VCAN: variants seen among roughly 807,000 people sequenced by gnomAD.
VCAN encodes the protein versican core protein.
A neutral mutation model predicts 245.5 loss-of-function variants in VCAN; 44 were observed. That is an observed-to-expected ratio of 0.18 (90% CI 0.14 to 0.23). The LOEUF (loss-of-function observed/expected upper bound fraction) is 0.23, where lower values mean the gene tolerates loss of function less well. VCAN is among the 10% of genes least tolerant of loss of function. VCAN has a pLI of 1.00. For synonymous variants in VCAN, 1,413 were observed against 1,437.0 expected (o/e 0.98, Z 0.38); for missense variants, 3,793 against 4,057.9 (o/e 0.93, Z 1.77).
intron 1 of VCAN, among the ~76,000 whole-genome samples, chr5:83,472,650 G>A (rs1744237603): frequency 6.6e-6 from 1 of 152,108 alleles, no homozygotes; most frequent in Admixed American, 6.5e-5. Flanking sequence ...AGGTCCGGCC[G>A]GGGGAGGTGC....
chr5:83,494,081 A>G, intron 5 of VCAN, 150 bp downstream of exon 5: 1 of 1,359,254 alleles, frequency 7.4e-7, no homozygotes, highest in South Asian at 1.2e-5. Context: ...GTGGTAAAAT[A>G]AGCCGAAATT....
chr5:83,498,661 G>A (rs943226032), intron 5 of VCAN, among the ~76,000 whole-genome samples: 3 of 152,138 alleles, frequency 2.0e-5, no homozygotes, highest in African/African-American at 7.2e-5. Flanking sequence ...GAACAAATAC[G>A]TGAACAATGA....
Position 83,541,310 on chromosome 5 carries a change from T to C in VCAN, c.8307T>C (p.Ala2769=). ...TTCAGCCAGAATTCTCTTCAGGAGC[T>C]GAGGAGGCATTAGTAGACCATACTC... The part of the protein sequence containing the change: ...PSFQPEFSSG[A]EEALVDHTPY... Residue 2769 remains alanine (A), a synonymous_variant, in exon 8 of 15, where the codon GCT becomes GCC. Coordinates refer to ENST00000265077, the MANE Select transcript of VCAN (RefSeq NM_004385.5). 3 of 1,614,086 alleles carry C rather than the reference T, an allele frequency of 1.9e-6. No individual in the cohort carries two copies. Among genetic ancestry groups the C allele is most frequent in the Non-Finnish European group, 2.5e-6 (3 of 1,179,998 alleles).
Position 83,509,800 on chromosome 5 carries a change from A to G in VCAN, c.749-2303A>G, listed in dbSNP as rs191903461. Reference sequence around the variant, plus strand: ...GAAGGAGGCTGTTCAGGATGACGTAATTTCTCTGTCTGCCTTTCTCCATGT... The same window carrying G: ...GAAGGAGGCTGTTCAGGATGACGTAGTTTCTCTGTCTGCCTTTCTCCATGT... On this transcript the variant is annotated intron_variant, in intron 5 of 14. Coordinates refer to ENST00000265077, the MANE Select transcript of VCAN (RefSeq NM_004385.5). Among the ~76,000 whole-genome samples, 24 of 152,250 alleles carry G rather than the reference A, an allele frequency of 1.6e-4. No individual in the cohort carries two copies. The East Asian group carries it at 4.6e-3, about 29-fold the overall frequency.
intron 12 of VCAN, among the ~76,000 whole-genome samples, chr5:83,569,978 A>G (rs190995099): frequency 2.0e-5 from 3 of 152,248 alleles, no homozygotes; most frequent in Middle Eastern, 3.4e-3. Flanking sequence ...GAGTATCAAA[A>G]ATGTAAAAAG....
intron 12 of VCAN, among the ~76,000 whole-genome samples, chr5:83,561,197 T>G (rs1276088450): frequency 6.6e-6 from 1 of 152,148 alleles, no homozygotes; most frequent in Admixed American, 6.6e-5. Context: ...CACAGCTTCC[T>G]TCTTCTCACT....
intron 13 of VCAN, among the ~76,000 whole-genome samples, chr5:83,577,199 C>T (rs897232156): frequency 1.3e-5 from 2 of 152,076 alleles, no homozygotes; most frequent in African/African-American, 2.4e-5. Flanking sequence ...TGATTCATGG[C>T]TTACATCCTG....
chr5:83,551,437 G>A (rs1413495184), intron 10 of VCAN, among the ~76,000 whole-genome samples: 5 of 151,834 alleles, frequency 3.3e-5, no homozygotes, highest in Non-Finnish European at 5.9e-5. Flanking sequence ...ACTTGAACCC[G>A]AGAAGCAGAG....
chr5:83,572,115 A>G (rs1050266235), intron 12 of VCAN, among the ~76,000 whole-genome samples: 1 of 152,190 alleles, frequency 6.6e-6, no homozygotes, highest in African/African-American at 2.4e-5. Context: ...AATTAATAAT[A>G]TGATGAAATT....
At chr5:83,525,216 A>C (rs1746248591) in intron 7 of VCAN, among the ~76,000 whole-genome samples, 1 of 152,016 alleles carries the variant, frequency 6.6e-6, no homozygotes, top group Non-Finnish European at 1.5e-5. Context: ...TAAAAGTTTT[A>C]TGAGCTGAAA....
intron 12 of VCAN, among the ~76,000 whole-genome samples, chr5:83,561,403 C>T (rs1365447984): frequency 5.3e-5 from 8 of 152,018 alleles, no homozygotes; most frequent in Non-Finnish European, 1.2e-4. Flanking sequence ...ACAATTAGTA[C>T]AATTAATTGT....
chr5:83,493,876 A>G lies in VCAN; in HGVS notation c.693A>G (p.Gly231=), dbSNP rs1302248477. 1.2e-6 allele frequency: 2 copies of G among 1,613,992 alleles called. No homozygotes were observed. The highest frequency in any genetic ancestry group is 1.7e-6 in the Non-Finnish European group (2 of 1,180,018). The change falls in exon 5 of 15, where the codon GGA becomes GGG. Residue 231 remains glycine, a synonymous_variant. Coordinates refer to ENST00000265077, the MANE Select transcript of VCAN (RefSeq NM_004385.5). The part of the protein sequence containing the change: ...KMGKAGVRTY[G]FRSPQETYDV... The stretch of plus-strand genomic sequence containing the variant: ...GAAAGGCAGGAGTCAGGACTTATGG[A>G]TTCCGTTCTCCCCAGGAAACTTACG...
At chr5:83,544,884 C>T (rs1580052931) in intron 8 of VCAN, 1 of 152,004 alleles carries the variant, frequency 6.6e-6, no homozygotes, top group African/African-American at 2.4e-5. Context: ...CTTGGGGTTT[C>T]ATTTTAGGTG....
Position 83,483,605 on chromosome 5 carries a change from T to G in VCAN, c.70+17T>G. On this transcript the variant is annotated intron_variant, in intron 2 of 14. Coordinates refer to ENST00000265077, the MANE Select transcript of VCAN (RefSeq NM_004385.5). ...TACATAAAGGTGAGTGTGCTAACAA[T>G]TTCTTTGGTGTTAATTGAAATAAAA... 1 of 1,609,940 alleles carries G rather than the reference T, an allele frequency of 6.2e-7. No homozygotes were observed. The highest frequency in any genetic ancestry group is 8.5e-7 in the Non-Finnish European group (1 of 1,176,502).
intron 7 of VCAN, among the ~76,000 whole-genome samples, chr5:83,524,037 G>C (rs918589042): frequency 6.6e-6 from 1 of 152,150 alleles, no homozygotes; most frequent in Non-Finnish European, 1.5e-5. Context: ...CTAATAAGTT[G>C]AGTTGAATAA....
rs573270878 is a variant in VCAN, at chr5:83,535,948, G to A, written c.4004-1059G>A. The A allele has an allele frequency of 3.9e-5, 6 of 152,270 alleles. No individual in the cohort carries two copies. In the East Asian group the frequency reaches 1.2e-3, roughly 29 times the overall value. The allele number at this position is 152,270 out of a possible 1,614,324, so 9.4% of individuals were successfully genotyped here. ...CTGCTTTGTCACTGAAAGTAAGGCA[G>A]CTGCAGTGGCAGGACCCTGTTCTAG... On this transcript the variant is annotated intron_variant, in intron 7 of 14. Transcript: ENST00000265077.
intron 5 of VCAN, among the ~76,000 whole-genome samples, chr5:83,501,639 T>C (rs1426538201): frequency 1.3e-5 from 2 of 152,212 alleles, no homozygotes. Flanking sequence ...TTATATTCCA[T>C]TGATCTGTAT....
chr5:83,565,955 ACTG>A (rs1748063627), intron 12 of VCAN, among the ~76,000 whole-genome samples: 1 of 151,028 alleles, frequency 6.6e-6, no homozygotes, highest in Admixed American at 6.6e-5. Flanking sequence ...TTTCTGAAAA[ACTG>A]CTTTTTTTTT....
At chr5:83,498,217 G>T (rs2652106) in intron 5 of VCAN, among the ~76,000 whole-genome samples, 58,855 of 151,888 alleles carry the variant, frequency 0.39, 12,509 homozygotes, top group African/African-American at 0.57. Context: ...GAAGACCTAG[G>T]TGATTCTTCT....
Sources: allele counts gnomAD v4.1 joint callset (sites outside exome capture counted in the v4.1 genomes callset), GRCh38; gene constraint gnomAD v4.1.1; transcripts MANE v1.5; gene names NCBI Gene and HGNC (gene_info 2026-07-23, HGNC 2026-07-21).